The following TEAD1 variants were observed in gnomAD, a reference collection of about 807,000 sequenced individuals.
TEAD1 encodes the protein TEA domain transcription factor 1, also known as transcriptional enhancer factor TEF-1.
Under a neutral mutation model 54.9 loss-of-function variants are expected in TEAD1, and 9 were observed. The ratio of observed to expected loss-of-function variants is 0.16; its 90% CI spans 0.10 to 0.29. TEAD1 has a LOEUF of 0.29. TEAD1 is among the 10% of genes least tolerant of loss of function. The probability of loss-of-function intolerance (pLI) is 1.00; values close to 1 mark genes in which losing one functional copy is unlikely to be tolerated. For synonymous variants in TEAD1, 200 were observed against 187.8 expected (o/e 1.07, Z -0.53); for missense variants, 387 against 535.9 (o/e 0.72, Z 2.74).
At chr11:12,884,279 T>C (rs1022407662) in intron 9 of TEAD1, among the ~76,000 whole-genome samples, 6 of 152,164 alleles carry the variant, frequency 3.9e-5, no homozygotes, top group Admixed American at 3.9e-4. Flanking sequence ...TGCATCTGTG[T>C]GTGGGTGAGC....
intron 12 of TEAD1, among the ~76,000 whole-genome samples, chr11:12,933,167 T>C (rs1949042259): frequency 6.6e-6 from 1 of 152,208 alleles, no homozygotes; most frequent in African/African-American, 2.4e-5. Context: ...CTGTATATCA[T>C]TAATGCTGCC....
chr11:12,862,221 A>G (rs1448189058), intron 3 of TEAD1, 29 bp from the exon 4 acceptor site: 1 of 1,601,298 alleles, frequency 6.2e-7, no homozygotes, highest in African/African-American at 1.3e-5. Flanking sequence ...TTGGTAACCC[A>G]CCTCATGGTA....
At chr11:12,907,014 C>T (rs1432066675) in intron 10 of TEAD1, among the ~76,000 whole-genome samples, 1 of 152,084 alleles carries the variant, frequency 6.6e-6, no homozygotes, top group Non-Finnish European at 1.5e-5. Flanking sequence ...TGGGGAGCTA[C>T]CTAGGAGTGG....
intron 10 of TEAD1, among the ~76,000 whole-genome samples, chr11:12,915,194 G>A (rs963249015): frequency 6.6e-6 from 1 of 152,090 alleles, no homozygotes; most frequent in Non-Finnish European, 1.5e-5. Context: ...CGCCTTAGAG[G>A]TTATCTGCTT....
At chr11:12,801,283 G>A (rs890628181) in intron 3 of TEAD1, among the ~76,000 whole-genome samples, 27 of 152,174 alleles carry the variant, frequency 1.8e-4, no homozygotes, top group Admixed American at 4.6e-4. Context: ...GTCTTGATGG[G>A]CTATTGTGGA....
chr11:12,913,193 G>A (rs1419653100), intron 10 of TEAD1, among the ~76,000 whole-genome samples: 2 of 152,142 alleles, frequency 1.3e-5, no homozygotes, highest in Non-Finnish European at 2.9e-5. Flanking sequence ...TAGGCCCTTG[G>A]TGGTGTGAGA....
At chr11:12,892,959 A>G (rs1006141688) in intron 9 of TEAD1, among the ~76,000 whole-genome samples, 1 of 152,148 alleles carries the variant, frequency 6.6e-6, no homozygotes, top group Non-Finnish European at 1.5e-5. Flanking sequence ...CCTGGGCGGA[A>G]TTTTCACATT....
intron 5 of TEAD1, among the ~76,000 whole-genome samples, chr11:12,865,955 G>C (rs1289208493): frequency 6.6e-6 from 1 of 152,062 alleles, no homozygotes; most frequent in Non-Finnish European, 1.5e-5. Context: ...CACAACACTT[G>C]AGTGGTGAGC....
chr11:12,755,875 T>A (rs1944974291), intron 2 of TEAD1, among the ~76,000 whole-genome samples: 1 of 152,138 alleles, frequency 6.6e-6, no homozygotes, highest in South Asian at 2.1e-4. Flanking sequence ...ATGATCAGCT[T>A]GACTGGTGGT....
At chr11:12,803,680 G>T (rs1469958063) in intron 3 of TEAD1, among the ~76,000 whole-genome samples, 1 of 152,188 alleles carries the variant, frequency 6.6e-6, no homozygotes, top group East Asian at 1.9e-4. Context: ...AGGCAGATGG[G>T]AAAGAAGACT....
At chr11:12,866,876 C>T (rs1947628938) in intron 5 of TEAD1, among the ~76,000 whole-genome samples, 1 of 152,048 alleles carries the variant, frequency 6.6e-6, no homozygotes, top group Admixed American at 6.5e-5. Context: ...AGGGAGCTGG[C>T]CATGTAAATG....
rs142427642 is a variant in TEAD1 at position 12,764,467 on chromosome 11, A to G, written c.202+33A>G. ...GCCTGGAACACTCCTTTGAAATACT[A>G]CAACCTGCAGTTGTGGTAGGGGATA... On this transcript the variant is annotated intron_variant, in intron 3 of 12. Coordinates refer to ENST00000527636, the MANE Select transcript of TEAD1 (RefSeq NM_021961.6). 8.1e-4 allele frequency: 1,309 copies of G among 1,610,188 alleles called. 9 individuals carry two copies. In the African/African-American group the frequency reaches 0.014, roughly 17 times the overall value.
chr11:12,786,045 A>G (rs1266961096), intron 3 of TEAD1, among the ~76,000 whole-genome samples: 1 of 152,060 alleles, frequency 6.6e-6, no homozygotes, highest in African/African-American at 2.4e-5. Context: ...TTGGAGGTGG[A>G]GGGGAGCCAA....
intron 3 of TEAD1, among the ~76,000 whole-genome samples, chr11:12,767,430 G>A (rs893278465): frequency 6.6e-6 from 1 of 152,156 alleles, no homozygotes; most frequent in African/African-American, 2.4e-5. Context: ...TTTTTTACTT[G>A]AAAGGGTTAT....
chr11:12,782,412 G>A (rs943109494), intron 3 of TEAD1, among the ~76,000 whole-genome samples: 2 of 152,168 alleles, frequency 1.3e-5, no homozygotes, highest in Admixed American at 1.3e-4. Context: ...CATACGAAAT[G>A]CCCGGAATAG....
At chr11:12,715,949 T>G (rs2133858317) in intron 2 of TEAD1, among the ~76,000 whole-genome samples, 1 of 151,912 alleles carries the variant, frequency 6.6e-6, no homozygotes, top group Non-Finnish European at 1.5e-5. Context: ...ACAAGAACAA[T>G]CGTAATTCAT....
chr11:12,722,645 CTT>C (rs1204909619), intron 2 of TEAD1, among the ~76,000 whole-genome samples: 7 of 139,526 alleles, frequency 5.0e-5, no homozygotes, highest in African/African-American at 2.1e-4. Context: ...ATTTCTCTCT[CTT>C]TCTTTTTTTT....
At chr11:12,760,373 T>C (rs755143886) in intron 2 of TEAD1, among the ~76,000 whole-genome samples, 21 of 152,200 alleles carry the variant, frequency 1.4e-4, no homozygotes, top group Admixed American at 8.5e-4. Flanking sequence ...GAGAGAGTTA[T>C]TAGGTTGGCA....
At chr11:12,865,080 AATGTGTGTGAGCGC>A in intron 5 of TEAD1, 180 bp downstream of exon 5, 5 of 729,158 alleles carry the variant, frequency 6.9e-6, no homozygotes, top group Non-Finnish European at 1.2e-5. Context: ...CATTAAACTC[AATGTGTGTGAGCGC>A]GTGTGTGTGT....
Sources: allele counts gnomAD v4.1 joint callset (sites outside exome capture counted in the v4.1 genomes callset), GRCh38; gene constraint gnomAD v4.1.1; transcripts MANE v1.5; gene names NCBI Gene and HGNC (gene_info 2026-07-23, HGNC 2026-07-21).